CNTN5: variants seen among roughly 807,000 people sequenced by gnomAD.
CNTN5 encodes contactin 5, also known as contactin-5.
A neutral mutation model predicts 129.1 loss-of-function variants in CNTN5; 77 were observed. The ratio of observed to expected loss-of-function variants is 0.60; its 90% confidence interval spans 0.50 to 0.72. CNTN5 has a LOEUF of 0.72. Ranked by LOEUF, CNTN5 falls within the 30% of genes least tolerant of loss-of-function variation. CNTN5 has a pLI of 0.00. For missense variants in CNTN5, 1,478 were observed against 1,328.8 expected (o/e 1.11, Z -1.75); for synonymous variants, 509 against 465.6 (o/e 1.09, Z -1.20).
intron 9 of CNTN5, among the ~76,000 whole-genome samples, chr11:100,007,317 G>C (rs1382093592): frequency 6.6e-6 from 1 of 152,060 alleles, no homozygotes; most frequent in Non-Finnish European, 1.5e-5. Flanking sequence ...CCTGTCCTTT[G>C]AAGTTTTGAA....
At chr11:99,952,554 T>C (rs1016940789) in intron 7 of CNTN5, among the ~76,000 whole-genome samples, 3 of 152,102 alleles carry the variant, frequency 2.0e-5, no homozygotes, top group Admixed American at 1.3e-4. Context: ...TTTTTTGATT[T>C]GGGGTCTAAC....
intron 2 of CNTN5, among the ~76,000 whole-genome samples, chr11:99,491,909 T>A (rs1946049897): frequency 6.6e-6 from 1 of 152,156 alleles, no homozygotes; most frequent in African/African-American, 2.4e-5. Context: ...GAAAGATAAA[T>A]CATTATCCTG....
intron 9 of CNTN5, among the ~76,000 whole-genome samples, chr11:100,043,772 T>C (rs146118536): frequency 2.0e-5 from 3 of 152,286 alleles, no homozygotes; most frequent in African/African-American, 7.2e-5. Context: ...CTAACATAAA[T>C]AGTCTTCTTG....
chr11:100,042,671 C>G (rs1237517744), intron 9 of CNTN5, among the ~76,000 whole-genome samples: 1 of 152,182 alleles, frequency 6.6e-6, no homozygotes, highest in African/African-American at 2.4e-5. Context: ...CAAAGTTCAT[C>G]CAACACTTTC....
intron 3 of CNTN5, among the ~76,000 whole-genome samples, chr11:99,797,034 A>G (rs755260444): frequency 2.6e-5 from 4 of 152,016 alleles, no homozygotes; most frequent in South Asian, 4.1e-4. Context: ...AGGATTCCCC[A>G]TGTCCTCCCT....
intron 1 of CNTN5, among the ~76,000 whole-genome samples, chr11:99,321,653 C>A (rs772850766): frequency 1.9e-4 from 29 of 152,046 alleles, no homozygotes; most frequent in Non-Finnish European, 3.1e-4. Context: ...GAAAGGGAAA[C>A]CCACACCTAA....
intron 1 of CNTN5, among the ~76,000 whole-genome samples, chr11:99,038,670 A>G (rs1293541106): frequency 2.0e-5 from 3 of 152,078 alleles, no homozygotes; most frequent in African/African-American, 7.2e-5. Context: ...AAACATGAAC[A>G]AATACTTTTC....
chr11:99,639,460 T>C (rs1435695901), intron 3 of CNTN5, among the ~76,000 whole-genome samples: 1 of 152,220 alleles, frequency 6.6e-6, no homozygotes, highest in Admixed American at 6.5e-5. Context: ...AAATGGGTTT[T>C]TATTTTCTAT....
chr11:100,181,070 T>G (rs751301149), intron 13 of CNTN5, among the ~76,000 whole-genome samples: 2 of 151,972 alleles, frequency 1.3e-5, no homozygotes, highest in African/African-American at 4.8e-5. Context: ...CCCAGAGAAA[T>G]TAAAACTTAT....
chr11:99,412,613 T>C (rs1415986025), intron 2 of CNTN5, among the ~76,000 whole-genome samples: 1 of 152,204 alleles, frequency 6.6e-6, no homozygotes, highest in Non-Finnish European at 1.5e-5. Context: ...ACAATAATTC[T>C]AGGAAATAGA....
intron 2 of CNTN5, among the ~76,000 whole-genome samples, chr11:99,383,097 C>T (rs140881218): frequency 5.9e-5 from 9 of 151,814 alleles, no homozygotes; most frequent in Admixed American, 6.6e-5. Flanking sequence ...CCTTGTGATC[C>T]GCCTGCCTTG....
At chr11:99,595,657 CT>C (rs1456636143) in intron 3 of CNTN5, among the ~76,000 whole-genome samples, 7 of 151,954 alleles carry the variant, frequency 4.6e-5, no homozygotes, top group African/African-American at 1.7e-4. Flanking sequence ...TCTCTAATAC[CT>C]TATTCTAAAT....
intron 1 of CNTN5, among the ~76,000 whole-genome samples, chr11:99,178,040 T>G (rs969359816): frequency 1.6e-4 from 25 of 152,082 alleles, no homozygotes; most frequent in African/African-American, 6.0e-4. Flanking sequence ...TGCTATGTTG[T>G]AATATATTAA....
rs148603202 is a variant in CNTN5, at chr11:99,557,984, G to A, written c.55+1715G>A. On this transcript the variant is annotated intron_variant, in intron 3 of 24. Transcript: ENST00000524871. ...TATTTATATATTAGTACTATTATACGTTCAACACGTTGCTTACAGAAAAAA... is the reference window on the plus strand; with the variant it reads ...TATTTATATATTAGTACTATTATACATTCAACACGTTGCTTACAGAAAAAA... Among the ~76,000 whole-genome samples, 571 of 151,670 alleles carry A rather than the reference G, an allele frequency of 3.8e-3. 4 individuals are homozygous for A. The highest frequency in any genetic ancestry group is 0.013 in the African/African-American group (535 of 41,460).
intron 3 of CNTN5, among the ~76,000 whole-genome samples, chr11:99,818,095 G>A (rs1946652489): frequency 6.6e-6 from 1 of 151,968 alleles, no homozygotes; most frequent in African/African-American, 2.4e-5. Flanking sequence ...TCAAATCATA[G>A]AAAAATGCTT....
At chr11:99,978,711 G>GTTTTAACAGCT (rs1262948801) in intron 8 of CNTN5, among the ~76,000 whole-genome samples, 1 of 152,160 alleles carries the variant, frequency 6.6e-6, no homozygotes, top group Non-Finnish European at 1.5e-5. Flanking sequence ...GCCCTCTGAT[G>GTTTTAACAGCT]TTTTAACAGC....
chr11:99,794,103 G>A (rs778677151), intron 3 of CNTN5, among the ~76,000 whole-genome samples: 16 of 151,684 alleles, frequency 1.1e-4, no homozygotes, highest in Non-Finnish European at 2.2e-4. Context: ...CTCCTGTGCT[G>A]GGTACATAGA....
chr11:99,565,154 C>T (rs1948962112), intron 3 of CNTN5, among the ~76,000 whole-genome samples: 5 of 152,228 alleles, frequency 3.3e-5, no homozygotes, highest in Admixed American at 2.0e-4. Flanking sequence ...TGAGCACTTT[C>T]AACTTGTCTT....
chr11:99,792,573 G>GTGTGTGTGTGTGTGTGTCTGTC (rs34622017), intron 3 of CNTN5, among the ~76,000 whole-genome samples: 122 of 116,680 alleles, frequency 1.0e-3, no homozygotes, highest in African/African-American at 4.3e-3. Flanking sequence ...GTGTGTGTGT[G>GTGTGTGTGTGTGTGTGTCTGTC]TGTCTGTCTG....
Sources: gnomAD v4.1 joint callset for allele counts (sites outside exome capture counted in the v4.1 genomes callset) on GRCh38, gnomAD v4.1.1 for gene constraint, MANE v1.5 for transcripts, NCBI Gene and HGNC (gene_info 2026-07-23, HGNC 2026-07-21) for gene names.